Variants in TTC13 observed in about 807,000 individuals in gnomAD.
TTC13 encodes tetratricopeptide repeat protein 13.
In TTC13, 62 loss-of-function variants were observed where a neutral mutation model predicts 120.0. That is an observed-to-expected ratio of 0.52 (90% CI 0.42 to 0.64). TTC13 has a LOEUF of 0.64. Ranked by LOEUF, TTC13 falls within the 30% of genes least tolerant of loss-of-function variation. The pLI is 0.00. For missense variants in TTC13, 824 were observed against 1,050.2 expected (o/e 0.78, Z 2.98); for synonymous variants, 384 against 393.5 (o/e 0.98, Z 0.28).
chr1:230,943,210 G>A (rs190907975), intron 6 of TTC13, among the ~76,000 whole-genome samples: 4 of 151,434 alleles, frequency 2.6e-5, no homozygotes, highest in Non-Finnish European at 5.9e-5. Flanking sequence ...TGAATATTAT[G>A]TGTTTTTCTT....
Position 230,931,414 on chromosome 1 carries a change from T to G in TTC13, c.1184A>C (p.His395Pro). 6.2e-7 allele frequency: 1 copy of G among 1,614,254 alleles called. No homozygotes were observed. The highest frequency in any genetic ancestry group is 1.3e-5 in the African/African-American group (1 of 75,080). The change falls in exon 11 of 23, where the codon CAT (histidine) becomes CCT (proline). Residue 395 changes from histidine (H) to proline (P), a missense_variant. Physicochemically the swap from His to Pro is moderately conservative, Grantham distance 77. Transcript: ENST00000366661. ...TTCATAAAACTGTCCCATGGCAACA[T>G]GGCTGAGCCCTTTCATATACTGGCA... ...EVCQYMKGLSHVAMGQFYEGI... is the reference protein window; with the variant it reads ...EVCQYMKGLSPVAMGQFYEGI...
At chr1:230,936,273 G>A (rs774901508) in intron 8 of TTC13, 7 of 455,934 alleles carry the variant, frequency 1.5e-5, no homozygotes, top group Non-Finnish European at 2.2e-5. Flanking sequence ...TTCTGCCAAA[G>A]AGGGGACATA....
At chr1:230,971,112 G>T (rs528110719) in intron 1 of TTC13, among the ~76,000 whole-genome samples, 2 of 152,052 alleles carry the variant, frequency 1.3e-5, no homozygotes, top group Non-Finnish European at 2.9e-5. Flanking sequence ...TTGGGAGGCC[G>T]AGGCAGGCGG....
At position 230,940,382 on chromosome 1, in the gene TTC13, C is replaced by T. The variant is rs1021176075; in HGVS notation, c.789+58G>A. 2.7e-5 allele frequency: 31 copies of T among 1,155,422 alleles called. No individual in the cohort carries two copies. The South Asian group carries it at 3.8e-4, about 14-fold the overall frequency. The allele number at this position is 1,155,422 out of a possible 1,614,324, so 71.6% of individuals were successfully genotyped here. Reference sequence around the variant, plus strand: ...CTATCAAAGAGTCACTTTCTGAGGTCAAGGGAAAAATGAAATCTTCATCAT... The same window carrying T: ...CTATCAAAGAGTCACTTTCTGAGGTTAAGGGAAAAATGAAATCTTCATCAT... On this transcript the variant is annotated intron_variant, in intron 7 of 22. Transcript: ENST00000366661. The surrounding 1 kb of genome is among the most constrained non-coding windows in gnomAD (Gnocchi z 4.1).
At chr1:230,916,729 T>C (rs1034378526) in intron 17 of TTC13, among the ~76,000 whole-genome samples, 1 of 152,230 alleles carries the variant, frequency 6.6e-6, no homozygotes, top group Non-Finnish European at 1.5e-5. Flanking sequence ...CTGATTTTTC[T>C]GAAGAGTACC....
At chr1:230,937,234 C>T (rs1674148327) in intron 8 of TTC13, among the ~76,000 whole-genome samples, 1 of 152,076 alleles carries the variant, frequency 6.6e-6, no homozygotes, top group Admixed American at 6.6e-5. Flanking sequence ...TTTCAAATAC[C>T]CCAAAGAGCC....
At chr1:230,977,193 A>G (rs1054586691) in intron 1 of TTC13, among the ~76,000 whole-genome samples, 1 of 152,200 alleles carries the variant, frequency 6.6e-6, no homozygotes, top group Non-Finnish European at 1.5e-5. Flanking sequence ...TGATAGACTA[A>G]TATACTAGGC....
At chr1:230,975,105 T>C (rs1234302135) in intron 1 of TTC13, among the ~76,000 whole-genome samples, 1 of 151,990 alleles carries the variant, frequency 6.6e-6, no homozygotes, top group East Asian at 1.9e-4. Context: ...CCAGGCACGG[T>C]GTCTCACGTC....
chr1:230,957,003 A>G (rs1312274647), intron 3 of TTC13, among the ~76,000 whole-genome samples: 1 of 152,214 alleles, frequency 6.6e-6, no homozygotes, highest in Non-Finnish European at 1.5e-5. Context: ...AGGGTCTACT[A>G]GGATTATTCT....
chr1:230,916,599 G>C (rs867511997), intron 17 of TTC13, among the ~76,000 whole-genome samples: 1 of 152,208 alleles, frequency 6.6e-6, no homozygotes, highest in South Asian at 2.1e-4. Context: ...AGCTCCCTTT[G>C]AATGTTTTCT....
At chr1:230,938,384 G>GC (rs1674261242) in intron 8 of TTC13, among the ~76,000 whole-genome samples, 1 of 152,136 alleles carries the variant, frequency 6.6e-6, no homozygotes, top group Non-Finnish European at 1.5e-5. Flanking sequence ...CAGGTTCCAG[G>GC]CCCCCGGCTC....
intron 22 of TTC13, 195 bp downstream of exon 22, chr1:230,908,517 C>A: frequency 1.7e-6 from 1 of 591,970 alleles, no homozygotes; most frequent in Non-Finnish European, 3.0e-6. Context: ...TCCATACATT[C>A]ACCCTTAAAA....
intron 8 of TTC13, among the ~76,000 whole-genome samples, chr1:230,937,781 A>G (rs950272953): frequency 2.0e-5 from 3 of 152,368 alleles, no homozygotes; most frequent in Admixed American, 6.5e-5. Flanking sequence ...AAAGCTTACA[A>G]AGTACTTTTC....
chr1:230,969,131 A>G (rs1356062619), intron 1 of TTC13, among the ~76,000 whole-genome samples: 1 of 134,950 alleles, frequency 7.4e-6, no homozygotes, highest in Admixed American at 7.4e-5. Flanking sequence ...GTGCAGTGGC[A>G]GGCGCCTGTA....
intron 1 of TTC13, among the ~76,000 whole-genome samples, chr1:230,971,321 G>A (rs1309794450): frequency 7.2e-6 from 1 of 139,452 alleles, no homozygotes; most frequent in Non-Finnish European, 1.5e-5. Context: ...ACTCCAGCCT[G>A]GGCAACAGAG....
At chr1:230,943,136 T>C (rs1674663640) in intron 6 of TTC13, among the ~76,000 whole-genome samples, 2 of 152,226 alleles carry the variant, frequency 1.3e-5, no homozygotes, top group African/African-American at 4.8e-5. Flanking sequence ...CTAAAGTATG[T>C]CACATATACA....
chr1:230,937,796 A>T (rs1475885945), intron 8 of TTC13, among the ~76,000 whole-genome samples: 1 of 152,226 alleles, frequency 6.6e-6, no homozygotes, highest in African/African-American at 2.4e-5. Flanking sequence ...CTTTTCACAT[A>T]GAGTATTTTA....
chr1:230,950,263 T>C (rs945876990), intron 4 of TTC13, among the ~76,000 whole-genome samples: 1 of 151,894 alleles, frequency 6.6e-6, no homozygotes, highest in Non-Finnish European at 1.5e-5. Flanking sequence ...CTTTATAAAG[T>C]TTTCAGAAAC....
At chr1:230,912,168 C>T (rs1206764197) in intron 19 of TTC13, among the ~76,000 whole-genome samples, 1 of 152,204 alleles carries the variant, frequency 6.6e-6, no homozygotes, top group East Asian at 1.9e-4. Context: ...AAGAAGAAGG[C>T]CACAGACCAG....
Sources: allele counts gnomAD v4.1 joint callset (sites outside exome capture counted in the v4.1 genomes callset), GRCh38; gene constraint gnomAD v4.1.1; non-coding constraint Gnocchi (gnomAD v3.1); transcripts MANE v1.5; gene names NCBI Gene and HGNC (gene_info 2026-07-23, HGNC 2026-07-21).